ZFR: variants seen among roughly 807,000 people sequenced by gnomAD.
ZFR encodes zinc finger RNA binding protein, also known as zinc finger RNA-binding protein.
A neutral mutation model predicts 130.7 loss-of-function variants in ZFR; 19 were observed. That is an observed-to-expected ratio of 0.15 (90% CI 0.10 to 0.21). ZFR has a LOEUF of 0.21. ZFR is among the 10% of genes least tolerant of loss of function. The pLI is 1.00. For synonymous variants in ZFR, 466 were observed against 456.9 expected, an observed-to-expected ratio of 1.02 and a Z score of -0.25; for missense variants, 872 against 1,321.5, an observed-to-expected ratio of 0.66 and a Z score of 5.27.
chr5:32,431,485 T>G (rs1348443691), intron 2 of ZFR, among the ~76,000 whole-genome samples: 4 of 152,140 alleles, frequency 2.6e-5, no homozygotes, highest in Non-Finnish European at 4.4e-5. Flanking sequence ...GTGGGAAAAA[T>G]CTAAAGAAAA....
At chr5:32,401,013 T>G (rs1211841701) in intron 8 of ZFR, among the ~76,000 whole-genome samples, 1 of 152,240 alleles carries the variant, frequency 6.6e-6, no homozygotes, top group African/African-American at 2.4e-5. Flanking sequence ...TTCCTTTAAC[T>G]TATTTACAAA....
chr5:32,363,390 C>T (rs550781885), intron 19 of ZFR, among the ~76,000 whole-genome samples: 12 of 152,006 alleles, frequency 7.9e-5, no homozygotes, highest in Non-Finnish European at 1.6e-4. Flanking sequence ...TTCCATATAC[C>T]AGGTGTTAAG....
At chr5:32,360,712 A>G (rs1390856963) in intron 19 of ZFR, among the ~76,000 whole-genome samples, 1 of 152,216 alleles carries the variant, frequency 6.6e-6, no homozygotes, top group Admixed American at 6.5e-5. Context: ...TTGCTGAGGC[A>G]TACAGCAATC....
chr5:32,429,008 C>T (rs372703555), intron 2 of ZFR, among the ~76,000 whole-genome samples: 1 of 103,008 alleles, frequency 9.7e-6, no homozygotes, highest in African/African-American at 4.0e-5. Flanking sequence ...TTTTTTGAGA[C>T]GGAGTCTTGC....
intron 5 of ZFR, among the ~76,000 whole-genome samples, chr5:32,408,352 C>T (rs1341810177): frequency 7.0e-6 from 1 of 142,448 alleles, no homozygotes; most frequent in Non-Finnish European, 1.5e-5. Context: ...AAGAACTATT[C>T]TTTCAGCACT....
chr5:32,411,036 C>T (rs1295165828), intron 5 of ZFR, among the ~76,000 whole-genome samples: 1 of 152,196 alleles, frequency 6.6e-6, no homozygotes, highest in Admixed American at 6.5e-5. Flanking sequence ...TCCTCAAATA[C>T]ACACTTTAAA....
At chr5:32,402,931 G>A (rs1035763710) in intron 8 of ZFR, among the ~76,000 whole-genome samples, 175 bp downstream of exon 8, 4 of 151,872 alleles carry the variant, frequency 2.6e-5, no homozygotes, top group Non-Finnish European at 5.9e-5. Flanking sequence ...GAAACCAGTA[G>A]ACGATGGAAT....
intron 2 of ZFR, among the ~76,000 whole-genome samples, chr5:32,425,525 A>G (rs1199228479): frequency 1.3e-5 from 2 of 152,114 alleles, no homozygotes; most frequent in Non-Finnish European, 2.9e-5. Context: ...TTAATGTGTA[A>G]TACTTTTACT....
In ZFR at chr5:32,439,447, T is replaced by C. The variant is rs990356159; in HGVS notation, c.137+4782A>G. 3.9e-5 allele frequency among the ~76,000 whole-genome samples: 6 copies of C among 152,336 alleles called. No homozygotes were observed. In the South Asian group the frequency reaches 1.2e-3, roughly 32 times the overall value. ...GAAAAAAGGAAAACTCATTAGCTTA[T>C]CAGCCTATCCAAGCTACTGTTACCC... On this transcript the variant is annotated intron_variant, in intron 2 of 19. Coordinates refer to ENST00000265069, the MANE Select transcript of ZFR (RefSeq NM_016107.5).
chr5:32,393,154 TAA>T (rs1407387313), intron 11 of ZFR, among the ~76,000 whole-genome samples: 1 of 152,110 alleles, frequency 6.6e-6, no homozygotes, highest in African/African-American at 2.4e-5. Context: ...AACCAGACAT[TAA>T]AGAGATGTAC....
chr5:32,375,950 T>A (rs1317359745), intron 17 of ZFR, among the ~76,000 whole-genome samples: 3 of 151,920 alleles, frequency 2.0e-5, no homozygotes, highest in Non-Finnish European at 2.9e-5. Flanking sequence ...CAAGTGATTC[T>A]CCTGCCTCAG....
chr5:32,438,280 T>TTTTTTTTTTG (rs1754387350), intron 2 of ZFR, among the ~76,000 whole-genome samples: 1 of 130,292 alleles, frequency 7.7e-6, no homozygotes, highest in African/African-American at 2.8e-5. Flanking sequence ...TTTTTTTTTT[T>TTTTTTTTTTG]GAGACGGAGT....
At chr5:32,374,171 G>A (rs141670193) in intron 17 of ZFR, among the ~76,000 whole-genome samples, 6 of 152,316 alleles carry the variant, frequency 3.9e-5, no homozygotes, top group African/African-American at 1.4e-4. Context: ...AAGAAAGCAG[G>A]AAGCAGGATC....
intron 19 of ZFR, among the ~76,000 whole-genome samples, chr5:32,356,678 C>CA (rs1362209977): frequency 6.6e-6 from 1 of 152,110 alleles, no homozygotes; most frequent in Admixed American, 6.5e-5. Flanking sequence ...CTCGGCCTCC[C>CA]AAAGTTCTGG....
intron 2 of ZFR, among the ~76,000 whole-genome samples, chr5:32,423,605 C>T (rs768545987): frequency 6.6e-6 from 1 of 151,444 alleles, no homozygotes; most frequent in Non-Finnish European, 1.5e-5. Flanking sequence ...TCTAGAAGGC[C>T]CAATGTCCTG....
At chr5:32,395,339 G>GC (rs748240356) in intron 10 of ZFR, 35 bp from the exon 11 acceptor site, 4 of 1,438,262 alleles carry the variant, frequency 2.8e-6, no homozygotes, top group Admixed American at 5.0e-5. Flanking sequence ...AAAAACAGCA[G>GC]CCCCAAAACA....
At chr5:32,372,851 C>A (rs558523656) in intron 17 of ZFR, among the ~76,000 whole-genome samples, 7 of 151,294 alleles carry the variant, frequency 4.6e-5, no homozygotes, top group African/African-American at 1.2e-4. Context: ...ACAAACAAAA[C>A]AAACAAAAAA....
intron 2 of ZFR, among the ~76,000 whole-genome samples, chr5:32,425,562 C>G (rs1325710339): frequency 6.6e-6 from 1 of 152,226 alleles, no homozygotes; most frequent in East Asian, 1.9e-4. Context: ...GAGTCTCACT[C>G]TGTTGCCCAG....
chr5:32,424,344 C>A (rs1393486021), intron 2 of ZFR, among the ~76,000 whole-genome samples: 2 of 152,014 alleles, frequency 1.3e-5, no homozygotes, highest in African/African-American at 4.8e-5. Flanking sequence ...GAGATAGAGA[C>A]CACGGTGAAA....
Sources: allele counts gnomAD v4.1 joint callset (sites outside exome capture counted in the v4.1 genomes callset), GRCh38; gene constraint gnomAD v4.1.1; transcripts MANE v1.5; gene names NCBI Gene and HGNC (gene_info 2026-07-23, HGNC 2026-07-21).